Variants in ANO10 observed in about 807,000 individuals in gnomAD.
ANO10 encodes anoctamin 10.
ANO10 carries 77 observed loss-of-function variants against 74.7 expected under a neutral mutation model. The ratio of observed to expected loss-of-function variants is 1.03; its 90% CI spans 0.86 to 1.25. ANO10 has a LOEUF of 1.25. ANO10 is among the 50% of genes most tolerant of loss of function. The pLI is 0.00. For synonymous variants in ANO10, 279 were observed against 284.9 expected, an observed-to-expected ratio of 0.98 and a Z score of 0.21; for missense variants, 721 against 778.1, an observed-to-expected ratio of 0.93 and a Z score of 0.87.
rs2093255998 is a variant in ANO10 at position 43,446,972 on chromosome 3, A to G, written c.1798-14245T>C. Among the ~76,000 whole-genome samples, 3 of 152,132 alleles carry G rather than the reference A, an allele frequency of 2.0e-5. No homozygotes were observed. The South Asian group carries it at 6.2e-4, about 32-fold the overall frequency. Reference sequence around the variant, plus strand: ...TCCTGCCCACATGTACAATCAGAATATATTAATATTTTCTCCATGTTTATA... The same window carrying G: ...TCCTGCCCACATGTACAATCAGAATGTATTAATATTTTCTCCATGTTTATA... On this transcript the variant is annotated intron_variant, in intron 11 of 12. Coordinates refer to ENST00000292246, the MANE Select transcript of ANO10 (RefSeq NM_018075.5).
rs778730043 is a variant in ANO10, at chr3:43,561,404, TA to T, written c.1294-3del. On this transcript the variant is annotated splice_region_variant and splice_polypyrimidine_tract_variant and intron_variant, in intron 8 of 12. Coordinates refer to ENST00000292246, the MANE Select transcript of ANO10 (RefSeq NM_018075.5). ...GGTAATTAGGAGAGTGGCCAAGCTC[TA>T]AAGAGAAGCACACAAATCACATTTT... 488 of 1,613,732 alleles carry T rather than the reference TA, an allele frequency of 3.0e-4. No individual in the cohort carries two copies. Among genetic ancestry groups the T allele is most frequent in the Non-Finnish European group, 4.0e-4 (473 of 1,179,672 alleles).
At chr3:43,459,830 T>C (rs772340848) in intron 11 of ANO10, among the ~76,000 whole-genome samples, 6 of 152,276 alleles carry the variant, frequency 3.9e-5, no homozygotes, top group Non-Finnish European at 8.8e-5. Context: ...TGGAACTACA[T>C]AGTTGGTACT....
chr3:43,555,199 A>G (rs1295797067), intron 10 of ANO10, 79 bp downstream of exon 10: 1 of 1,439,092 alleles, frequency 6.9e-7, no homozygotes, highest in Non-Finnish European at 9.7e-7. Flanking sequence ...TGTAGGGCTT[A>G]CTTTTTAATT....
chr3:43,643,683 CT>C (rs61487906), intron 1 of ANO10, among the ~76,000 whole-genome samples: 591 of 104,732 alleles, frequency 5.6e-3, no homozygotes, highest in Non-Finnish European at 8.2e-3. Context: ...CTCATCTTTT[CT>C]TTTTTTTTTT....
intron 12 of ANO10, among the ~76,000 whole-genome samples, chr3:43,378,496 C>A (rs1398714274): frequency 6.6e-6 from 1 of 152,240 alleles, no homozygotes; most frequent in Non-Finnish European, 1.5e-5. Flanking sequence ...GTTTTCCCCA[C>A]ATCTGAACAC....
chr3:43,649,804 C>T (rs889860110), intron 1 of ANO10, among the ~76,000 whole-genome samples: 1 of 152,200 alleles, frequency 6.6e-6, no homozygotes, highest in Non-Finnish European at 1.5e-5. Context: ...GCAGGACGTG[C>T]GACAGGGGTG....
intron 12 of ANO10, among the ~76,000 whole-genome samples, chr3:43,405,830 T>A (rs1411033291): frequency 6.6e-6 from 1 of 152,212 alleles, no homozygotes; most frequent in East Asian, 1.9e-4. Flanking sequence ...TATCATTGCC[T>A]AATTATTGAC....
rs1433525150 is a variant in ANO10 at position 43,607,599 on chromosome 3, G to A, written c.-11-1736C>T. 2.0e-5 allele frequency among the ~76,000 whole-genome samples: 3 copies of A among 152,182 alleles called. No individual in the cohort carries two copies. In the East Asian group the frequency reaches 5.8e-4, roughly 29 times the overall value. ...ACATTCTAAACATAATAGTGAAGGAGAATTAGATCACCCCGATAGGAACTA... is the reference window on the plus strand; with the variant it reads ...ACATTCTAAACATAATAGTGAAGGAAAATTAGATCACCCCGATAGGAACTA... On this transcript the variant is annotated intron_variant, in intron 1 of 12. Coordinates refer to ENST00000292246, the MANE Select transcript of ANO10 (RefSeq NM_018075.5).
At chr3:43,495,636 A>G (rs968067516) in intron 11 of ANO10, among the ~76,000 whole-genome samples, 1 of 152,176 alleles carries the variant, frequency 6.6e-6, no homozygotes, top group African/African-American at 2.4e-5. Context: ...TTCTTTCTCA[A>G]TGCTGGTCAG....
chr3:43,691,035 G>A lies in ANO10; in HGVS notation c.-12+482C>T, dbSNP rs761863848. 1.7e-5 allele frequency: 27 copies of A among 1,560,318 alleles called. No homozygotes were observed. The highest frequency in any genetic ancestry group is 4.7e-5 in the South Asian group (4 of 86,000). On this transcript the variant is annotated intron_variant, in intron 1 of 3. Transcript: ENST00000413397. ...GGAGGTGGACTCTGCCGACACCGGA[G>A]AGAGGTAAGCGCAGCCGGCAGGGGG...
Position 43,567,779 on chromosome 3 carries a change from C to T in ANO10, c.1219-2052G>A, listed in dbSNP as rs544499400. 1.1e-4 allele frequency among the ~76,000 whole-genome samples: 17 copies of T among 151,766 alleles called. No individual in the cohort carries two copies. In the East Asian group the frequency reaches 1.9e-3, roughly 17 times the overall value. On this transcript the variant is annotated intron_variant, in intron 7 of 12. Coordinates refer to ENST00000292246, the MANE Select transcript of ANO10 (RefSeq NM_018075.5). Reference sequence around the variant, plus strand: ...ACTAGGAAGAAACTGCATCAACTAACGAGCAAACTAACCAGCTAACATCAT... The same window carrying T: ...ACTAGGAAGAAACTGCATCAACTAATGAGCAAACTAACCAGCTAACATCAT...
chr3:43,514,531 A>G (rs1559635881), intron 11 of ANO10, among the ~76,000 whole-genome samples: 1 of 152,226 alleles, frequency 6.6e-6, no homozygotes, highest in Non-Finnish European at 1.5e-5. Context: ...ATTATAACGG[A>G]AAATTTCAAT....
At chr3:43,559,694 G>A (rs1032686314) in intron 9 of ANO10, among the ~76,000 whole-genome samples, 5 of 152,060 alleles carry the variant, frequency 3.3e-5, no homozygotes, top group African/African-American at 4.8e-5. Flanking sequence ...CTATAAGACA[G>A]TGAAAAAAGG....
chr3:43,685,471 T>G (rs2084263193), intron 1 of ANO10, among the ~76,000 whole-genome samples: 1 of 152,244 alleles, frequency 6.6e-6, no homozygotes, highest in Admixed American at 6.5e-5. Flanking sequence ...GTCTTTCTTT[T>G]TTTTGACATT....
chr3:43,580,478 C>T lies in ANO10; in HGVS notation c.473-6G>A, dbSNP rs184416837. 230 of 1,613,180 alleles carry T rather than the reference C, an allele frequency of 1.4e-4. 1 individual carries two copies. Among genetic ancestry groups the T allele is most frequent in the Middle Eastern group, 8.2e-4 (5 of 6,062 alleles). On this transcript the variant is annotated splice_region_variant and splice_polypyrimidine_tract_variant and intron_variant, in intron 4 of 12. Coordinates refer to ENST00000292246, the MANE Select transcript of ANO10 (RefSeq NM_018075.5). ...AGACGTGAGCAATCTTCTCACTGCA[C>T]AGGGAAAATGTGCCAAACTGCATGA...
At chr3:43,632,098 T>A (rs2149559343) in intron 1 of ANO10, among the ~76,000 whole-genome samples, 1 of 151,600 alleles carries the variant, frequency 6.6e-6, no homozygotes, top group East Asian at 1.9e-4. Context: ...AGAAAGTAAG[T>A]TACAAAATTG....
chr3:43,597,680 G>A (rs1338893009), intron 4 of ANO10, among the ~76,000 whole-genome samples: 2 of 152,086 alleles, frequency 1.3e-5, no homozygotes, highest in East Asian at 1.9e-4. Context: ...GTTAATGGGT[G>A]CAGCACACCA....
intron 1 of ANO10, among the ~76,000 whole-genome samples, chr3:43,687,256 T>C (rs903428424): frequency 6.6e-6 from 1 of 152,206 alleles, no homozygotes; most frequent in African/African-American, 2.4e-5. Context: ...GTGAGACCTG[T>C]CTCTACCAAA....
intron 1 of ANO10, among the ~76,000 whole-genome samples, chr3:43,606,280 A>T (rs532041571): frequency 3.3e-4 from 51 of 152,356 alleles, no homozygotes; most frequent in African/African-American, 1.1e-3. Flanking sequence ...GAAAATAATG[A>T]TGAAAAAACA....
Sources: allele counts gnomAD v4.1 joint callset (sites outside exome capture counted in the v4.1 genomes callset), GRCh38; gene constraint gnomAD v4.1.1; transcripts MANE v1.5; gene names NCBI Gene and HGNC (gene_info 2026-07-23, HGNC 2026-07-21).